Variants in HTT-AS observed in about 807,000 individuals in gnomAD.
HTT-AS encodes HTT antisense RNA.
chr4:3,050,858 A>C lies in HTT-AS; in HGVS notation n.1381-1160T>G, dbSNP rs1578463935. Among the ~76,000 whole-genome samples the C allele has an allele frequency of 2.0e-5, 3 of 152,276 alleles. No individual in the cohort carries two copies. In the Middle Eastern group the frequency reaches 0.01, roughly 518 times the overall value. On this transcript the variant is annotated intron_variant and non_coding_transcript_variant, in intron 2 of 2. Transcript: ENST00000664062. ...CCGTTTACCTCTCTTTGGATGCTTT[A>C]GGGGATCTCTGTAACACCCCAAAGT...
At chr4:3,050,816 T>C (rs572283871) in intron 2 of HTT-AS, among the ~76,000 whole-genome samples, 1 of 152,256 alleles carries the variant, frequency 6.6e-6, no homozygotes, top group African/African-American at 2.4e-5. Flanking sequence ...CCATGTAACT[T>C]AACATATCAG....
downstream of HTT-AS, among the ~76,000 whole-genome samples, chr4:3,048,423 G>C (rs993646591): frequency 6.6e-6 from 1 of 152,192 alleles, no homozygotes; most frequent in African/African-American, 2.4e-5. Flanking sequence ...ACCTTTGAGA[G>C]AATGCAGCGC....
intron 2 of HTT-AS, among the ~76,000 whole-genome samples, chr4:3,060,331 A>G (rs1711901241): frequency 6.6e-6 from 1 of 152,006 alleles, no homozygotes. Flanking sequence ...ATTTTAAAGC[A>G]TCTTTAGAAA....
exon 2 of HTT-AS, among the ~76,000 whole-genome samples, chr4:3,062,531 T>A (rs1472994417): frequency 3.3e-5 from 5 of 152,050 alleles, no homozygotes; most frequent in Non-Finnish European, 7.4e-5. Context: ...CGGCCTGTGC[T>A]TCACCGCCTT....
exon 3 of HTT-AS, among the ~76,000 whole-genome samples, chr4:3,049,168 A>G (rs1017126031): frequency 6.6e-6 from 1 of 152,152 alleles, no homozygotes; most frequent in African/African-American, 2.4e-5. Flanking sequence ...GCATGCCTGT[A>G]ATCCCAGCAC....
intron 2 of HTT-AS, among the ~76,000 whole-genome samples, chr4:3,056,864 GCA>G (rs886468461): frequency 9.2e-5 from 14 of 152,070 alleles, no homozygotes; most frequent in East Asian, 1.9e-4. Context: ...CAATCAGTTT[GCA>G]CAGTTAACTC....
chr4:3,066,513 G>A (rs1471101966), intron 1 of HTT-AS, among the ~76,000 whole-genome samples: 6 of 152,134 alleles, frequency 3.9e-5, no homozygotes, highest in African/African-American at 1.2e-4. Context: ...GAAATCTAGC[G>A]CATGCCAAGT....
rs71644374 is a variant in HTT-AS at position 3,061,684 on chromosome 4, G to GAAAA, written n.1380+746_1380+749dup. On this transcript the variant is annotated intron_variant and non_coding_transcript_variant, in intron 2 of 2. Transcript: ENST00000664062. Reference sequence around the variant, plus strand: ...GCAACAAGAGTGAAACTCCATCTCAGAAAAAAAAAAAAAAGGCCTGGGCAA... The same window carrying GAAAA: ...GCAACAAGAGTGAAACTCCATCTCAGAAAAAAAAAAAAAAAAAAGGCCTGGGCAA... Among the ~76,000 whole-genome samples, 235 of 110,898 alleles carry GAAAA rather than the reference G, an allele frequency of 2.1e-3. 5 individuals are homozygous for GAAAA. Among genetic ancestry groups the GAAAA allele is most frequent in the Admixed American group, 2.7e-3 (29 of 10,566 alleles). 72.8% of individuals were successfully genotyped at this position (110,898 alleles called of 152,430 possible). A position where few individuals can be genotyped will look rare whatever the true frequency, so the allele number is the denominator to read the frequency against.
chr4:3,046,866 A>G (rs1176787931), downstream of HTT-AS, among the ~76,000 whole-genome samples: 1 of 152,208 alleles, frequency 6.6e-6, no homozygotes, highest in Non-Finnish European at 1.5e-5. Flanking sequence ...GTCCAAAACA[A>G]TGGCCTCCCA....
At position 3,059,917 on chromosome 4, in the gene HTT-AS, G is replaced by GTTTTTTTTTTTT. The variant is rs34372712; in HGVS notation, n.1380+2516_1380+2517insAAAAAAAAAAAA. Among the ~76,000 whole-genome samples, 2 of 136,240 alleles carry GTTTTTTTTTTTT rather than the reference G, an allele frequency of 1.5e-5. 1 individual carries two copies. The allele number at this position is 136,240 out of a possible 152,430, so 89.4% of individuals were successfully genotyped here. On this transcript the variant is annotated intron_variant and non_coding_transcript_variant, in intron 2 of 2. Coordinates refer to ENST00000664062, the Ensembl canonical transcript of HTT-AS. ...GTTGCTTTAACATCTTTGTCCCTGTGTTTTTTGTTTTTTTTTTTGAGACGG... is the reference window on the plus strand; with the variant it reads ...GTTGCTTTAACATCTTTGTCCCTGTGTTTTTTTTTTTTTTTTTTGTTTTTTTTTTTGAGACGG...
exon 1 of HTT-AS, chr4:3,074,433 C>T: frequency 5.5e-6 from 1 of 182,344 alleles, no homozygotes; most frequent in Non-Finnish European, 1.1e-5. Context: ...CACCCCATTA[C>T]AGTCTCACCA....
At chr4:3,065,750 C>T (rs1712036008) in intron 1 of HTT-AS, among the ~76,000 whole-genome samples, 1 of 152,214 alleles carries the variant, frequency 6.6e-6, no homozygotes, top group Non-Finnish European at 1.5e-5. Flanking sequence ...CTGCTGTTTG[C>T]CCTTGTGACT....
At chr4:3,051,234 T>TG (rs1426799779) in intron 2 of HTT-AS, among the ~76,000 whole-genome samples, 1 of 152,062 alleles carries the variant, frequency 6.6e-6, no homozygotes, top group African/African-American at 2.4e-5. Flanking sequence ...CCCAGCTAAT[T>TG]TTGTATTTTT....
chr4:3,070,394 G>T (rs997330557), intron 1 of HTT-AS, among the ~76,000 whole-genome samples: 2 of 151,648 alleles, frequency 1.3e-5, no homozygotes, highest in South Asian at 4.2e-4. Context: ...GGGTTCAAGC[G>T]ATTCTCCTGC....
intron 1 of HTT-AS, among the ~76,000 whole-genome samples, chr4:3,065,245 C>T (rs193297901): frequency 0.028 from 3,801 of 138,076 alleles, 157 homozygotes; most frequent in African/African-American, 0.11. Flanking sequence ...TTTCTTTCTT[C>T]TTTTTTTTTT....
intron 2 of HTT-AS, among the ~76,000 whole-genome samples, chr4:3,052,842 A>G (rs1711732100): frequency 6.6e-6 from 1 of 152,088 alleles, no homozygotes; most frequent in Non-Finnish European, 1.5e-5. Flanking sequence ...AAAAATAAAA[A>G]AAAATTAGCC....
chr4:3,047,719 T>C (rs1349866641), downstream of HTT-AS, among the ~76,000 whole-genome samples: 2 of 152,282 alleles, frequency 1.3e-5, no homozygotes, highest in East Asian at 3.9e-4. Context: ...AGGCCTGACA[T>C]CAGTCAGGCC....
intron 1 of HTT-AS, among the ~76,000 whole-genome samples, chr4:3,067,357 A>G (rs1712075458): frequency 6.6e-6 from 1 of 152,232 alleles, no homozygotes; most frequent in Non-Finnish European, 1.5e-5. Context: ...CAGTTCACAA[A>G]TTCAAAGCCC....
intron 1 of HTT-AS, among the ~76,000 whole-genome samples, chr4:3,072,652 CAG>C (rs1712201426): frequency 6.6e-6 from 1 of 152,166 alleles, no homozygotes; most frequent in Admixed American, 6.5e-5. Flanking sequence ...ATTTTTGAGA[CAG>C]AGTCTCACTC....
Sources: gnomAD v4.1 joint callset for allele counts (sites outside exome capture counted in the v4.1 genomes callset) on GRCh38, gnomAD v4.1.1 for gene constraint, MANE v1.5 for transcripts, NCBI Gene and HGNC (gene_info 2026-07-23, HGNC 2026-07-21) for gene names.